ASH1L: variants seen among roughly 807,000 people sequenced by gnomAD.
ASH1L encodes the protein ASH1 like histone lysine methyltransferase, also known as histone-lysine N-methyltransferase ASH1L.
Under a neutral mutation model 269.0 loss-of-function variants are expected in ASH1L, and 23 were observed. The ratio of observed to expected loss-of-function variants is 0.09; its 90% CI spans 0.06 to 0.12. The LOEUF is 0.12. Among genes scored for constraint, ASH1L ranks in the 10% least tolerant of loss-of-function variants. ASH1L has a pLI of 1.00. For synonymous variants in ASH1L, 1,187 were observed against 1,253.5 expected, an observed-to-expected ratio of 0.95 and a Z score of 1.12; for missense variants, 2,912 against 3,567.8, an observed-to-expected ratio of 0.82 and a Z score of 4.68.
chr1:155,532,983 A>AGAGTGT (rs749840519), intron 1 of ASH1L, among the ~76,000 whole-genome samples: 1 of 141,790 alleles, frequency 7.1e-6, no homozygotes, highest in Non-Finnish European at 1.5e-5. Flanking sequence ...AGAGAGAGAG[A>AGAGTGT]GTGTGTGTGT....
chr1:155,421,675 A>C (rs1660697433), intron 5 of ASH1L, among the ~76,000 whole-genome samples: 2 of 152,012 alleles, frequency 1.3e-5, no homozygotes, highest in Non-Finnish European at 2.9e-5. Flanking sequence ...CATCTCAAAA[A>C]AAAAAACTAA....
At chr1:155,466,777 C>A (rs1051440993) in intron 3 of ASH1L, among the ~76,000 whole-genome samples, 1 of 152,170 alleles carries the variant, frequency 6.6e-6, no homozygotes, top group Non-Finnish European at 1.5e-5. Context: ...AGTCACCCCA[C>A]CCTGCTACTG....
At chr1:155,509,540 A>T (rs889942650) in intron 2 of ASH1L, among the ~76,000 whole-genome samples, 5 of 152,168 alleles carry the variant, frequency 3.3e-5, no homozygotes, top group African/African-American at 1.2e-4. Flanking sequence ...GCTCACGCCT[A>T]TAATCCCCAG....
At chr1:155,408,874 A>G (rs984462979) in intron 6 of ASH1L, among the ~76,000 whole-genome samples, 8 of 152,006 alleles carry the variant, frequency 5.3e-5, no homozygotes, top group Non-Finnish European at 1.2e-4. Flanking sequence ...AAAACCACCC[A>G]AACAAAAAAA....
intron 10 of ASH1L, among the ~76,000 whole-genome samples, chr1:155,376,895 C>T (rs1656498468): frequency 6.6e-6 from 1 of 150,838 alleles, no homozygotes; most frequent in African/African-American, 2.4e-5. Context: ...AAATCAAAGT[C>T]ATAACTCATA....
At chr1:155,419,199 A>C (rs187152499) in intron 5 of ASH1L, among the ~76,000 whole-genome samples, 392 of 152,136 alleles carry the variant, frequency 2.6e-3, no homozygotes, top group Admixed American at 6.3e-3. Context: ...CCAGGAGTTC[A>C]AGACCAGCCT....
intron 17 of ASH1L, among the ~76,000 whole-genome samples, chr1:155,351,573 G>A (rs1029192868): frequency 4.0e-5 from 6 of 151,788 alleles, no homozygotes; most frequent in Non-Finnish European, 7.4e-5. Context: ...AATAAAGGCC[G>A]GGCATGCTGG....
intron 13 of ASH1L, 114 bp from the exon 14 acceptor site, chr1:155,357,863 T>C: frequency 2.1e-6 from 2 of 964,156 alleles, no homozygotes; most frequent in Admixed American, 5.8e-5. Context: ...CTCAACCTCC[T>C]GGGCTCAACT....
chr1:155,407,105 C>A (rs1659359288), intron 6 of ASH1L, among the ~76,000 whole-genome samples: 1 of 151,934 alleles, frequency 6.6e-6, no homozygotes. Flanking sequence ...CACCTGTGGT[C>A]CCAGCTACTC....
intron 21 of ASH1L, chr1:155,344,660 C>T (rs944155174): frequency 1.2e-5 from 2 of 162,576 alleles, no homozygotes; most frequent in African/African-American, 4.8e-5. Flanking sequence ...TTCACCTAAA[C>T]ATGACAACAG....
At position 155,495,978 on chromosome 1, in the gene ASH1L, ACAAGAG is replaced by A. The variant is rs377615003; in HGVS notation, c.421-13535_421-13530del. On this transcript the variant is annotated intron_variant, in intron 2 of 27. Transcript: ENST00000392403. ...GTGCTATTGCACTCCAGCCTGGGCA[ACAAGAG>A]CAAGACTGTCTCAATTAAAAAAAAA... Among the ~76,000 whole-genome samples, 477 of 151,308 alleles carry A rather than the reference ACAAGAG, an allele frequency of 3.2e-3. 2 individuals carry two copies. Among genetic ancestry groups the A allele is most frequent in the Non-Finnish European group, 5.4e-3 (369 of 68,030 alleles).
intron 15 of ASH1L, 113 bp downstream of exon 15, chr1:155,357,194 CTGAACCCTT>C: frequency 1.7e-6 from 1 of 592,560 alleles, no homozygotes; most frequent in African/African-American, 2.0e-5. Context: ...CATAGATCCC[CTGAACCCTT>C]TGGCTTAAGA....
chr1:155,555,001 G>A (rs1406341997), intron 1 of ASH1L, among the ~76,000 whole-genome samples: 3 of 151,260 alleles, frequency 2.0e-5, no homozygotes, highest in South Asian at 4.2e-4. Flanking sequence ...AAATTTGCCG[G>A]GCATGGTGGC....
intron 4 of ASH1L, among the ~76,000 whole-genome samples, chr1:155,442,571 AAG>A (rs1425611921): frequency 2.0e-5 from 3 of 148,374 alleles, no homozygotes; most frequent in Non-Finnish European, 4.5e-5. Context: ...CGACAAGAGC[AAG>A]ACTCCATCTC....
intron 8 of ASH1L, 105 bp downstream of exon 8, chr1:155,379,938 C>T: frequency 1.2e-6 from 1 of 821,944 alleles, no homozygotes; most frequent in Non-Finnish European, 2.0e-6. Context: ...CTTCTGAAAA[C>T]CTCCTAAGAT....
At chr1:155,362,748 T>C (rs1016636923) in intron 12 of ASH1L, among the ~76,000 whole-genome samples, 1 of 152,194 alleles carries the variant, frequency 6.6e-6, no homozygotes, top group African/African-American at 2.4e-5. Flanking sequence ...CTATTTTATA[T>C]ATGAAGTATA....
chr1:155,489,620 T>C (rs1402281334), intron 2 of ASH1L, among the ~76,000 whole-genome samples: 4 of 151,458 alleles, frequency 2.6e-5, no homozygotes, highest in African/African-American at 7.3e-5. Flanking sequence ...TAGACGGGCA[T>C]GGTGGCGGGT....
chr1:155,427,666 T>C (rs1254244460), intron 5 of ASH1L, among the ~76,000 whole-genome samples: 1 of 152,104 alleles, frequency 6.6e-6, no homozygotes, highest in African/African-American at 2.4e-5. Context: ...CTTAAACTCC[T>C]GACCTCAGGT....
chr1:155,438,411 T>C lies in ASH1L; in HGVS notation c.5744A>G (p.Lys1915Arg), dbSNP rs781012225. The C allele has an allele frequency of 3.7e-6, 6 of 1,612,682 alleles. No individual in the cohort carries two copies. The East Asian group carries it at 1.3e-4, about 36-fold the overall frequency. Residue 1915 changes from lysine to arginine, a missense_variant, in exon 5 of 28, where the codon AAG (lysine) becomes AGG (arginine). Transcript: ENST00000392403. ...TTCTTCCAATAGCCAACCTTTTCTCTTCAACCCCTTTTTATGTTCTGGGTT... is the reference window on the plus strand; with the variant it reads ...TTCTTCCAATAGCCAACCTTTTCTCCTCAACCCCTTTTTATGTTCTGGGTT... ...NLNPEHKKGL[K>R]RKGWLLEEQT...
Sources: gnomAD v4.1 joint callset for allele counts (sites outside exome capture counted in the v4.1 genomes callset) on GRCh38, gnomAD v4.1.1 for gene constraint, MANE v1.5 for transcripts, NCBI Gene and HGNC (gene_info 2026-07-23, HGNC 2026-07-21) for gene names.